The following PARVB variants were observed in gnomAD, a reference collection of about 807,000 sequenced individuals.
The protein encoded by PARVB is beta-parvin.
PARVB carries 46 observed loss-of-function variants against 47.0 expected under a neutral mutation model. That is an observed-to-expected ratio of 0.98 (90% CI 0.77 to 1.25). The LOEUF (loss-of-function observed/expected upper bound fraction) is 1.25. Ranked by LOEUF, PARVB falls within the 50% of genes most tolerant of loss-of-function variation. The pLI, the probability that PARVB is intolerant of heterozygous loss-of-function variation, is 0.00. For synonymous variants in PARVB, 196 were observed against 196.3 expected (o/e 1.00, Z 0.01); for missense variants, 473 against 471.6 (o/e 1.00, Z -0.03).
At chr22:44,058,032 C>T (rs2051348293) in intron 1 of PARVB, among the ~76,000 whole-genome samples, 1 of 152,178 alleles carries the variant, frequency 6.6e-6, no homozygotes, top group Non-Finnish European at 1.5e-5. Flanking sequence ...GTTGCCTCCC[C>T]TGTCCAGTGG....
chr22:44,136,598 A>C (rs554172425), intron 7 of PARVB, 80 bp downstream of exon 7: 1 of 1,184,254 alleles, frequency 8.4e-7, no homozygotes, highest in Admixed American at 1.7e-5. Context: ...TCAGCCAGGG[A>C]CACCAGCGCC....
rs1287854554 is a variant in PARVB, at chr22:44,169,878, G to A, written c.*1200G>A. 1.3e-5 allele frequency: 2 copies of A among 149,604 alleles called. No homozygotes were observed. The highest frequency in any genetic ancestry group is 2.9e-5 in the Non-Finnish European group (2 of 68,014). The allele number at this position is 149,604 out of a possible 1,614,324, so 9.3% of individuals were successfully genotyped here. On this transcript the variant is annotated 3_prime_UTR_variant, in exon 13 of 13. Coordinates refer to ENST00000338758, the MANE Select transcript of PARVB (RefSeq NM_013327.5). ...GTGCCACCACACCTGGCTAATTTTT[G>A]TATTTTTAGTAGAGACGGGGTTTCA...
chr22:44,025,089 C>T (rs1017647715), intron 1 of PARVB, among the ~76,000 whole-genome samples: 4 of 152,064 alleles, frequency 2.6e-5, no homozygotes, highest in Admixed American at 2.0e-4. Context: ...TTGCCCAGGG[C>T]CTCCTGGGAG....
chr22:44,145,935 G>T (rs886484430), intron 8 of PARVB: 2 of 151,542 alleles, frequency 1.3e-5, no homozygotes, highest in Non-Finnish European at 2.9e-5. Flanking sequence ...TTAGCAGACT[G>T]TCTTATTGAG....
At chr22:44,091,893 GT>G (rs1472522495) in intron 1 of PARVB, among the ~76,000 whole-genome samples, 2 of 152,130 alleles carry the variant, frequency 1.3e-5, no homozygotes, top group Non-Finnish European at 2.9e-5. Context: ...GGGGGAGTGG[GT>G]AACTGGCATC....
chr22:44,046,398 G>A (rs752159974), intron 1 of PARVB, among the ~76,000 whole-genome samples: 2 of 152,194 alleles, frequency 1.3e-5, no homozygotes, highest in Non-Finnish European at 2.9e-5. Context: ...AGGACCTGGC[G>A]CCTCACCCTC....
At chr22:44,026,848 A>AGGGGG (rs2050739161) in intron 1 of PARVB, among the ~76,000 whole-genome samples, 1 of 45,300 alleles carries the variant, frequency 2.2e-5, no homozygotes, top group African/African-American at 8.6e-5. Flanking sequence ...AAGCTGGGGG[A>AGGGGG]AGGGGCGGGC....
In PARVB at chr22:44,061,003, C is replaced by T. The variant is rs5764074; in HGVS notation, c.113-32925C>T. On this transcript the variant is annotated intron_variant, in intron 1 of 12. Transcript: ENST00000338758. The stretch of plus-strand genomic sequence containing the variant: ...TGTTGATTGATTAACATTGAGCTCA[C>T]GGCCAACAGCAGTATAAGTGCTGCC... Among the ~76,000 whole-genome samples the T allele has an allele frequency of 2.7e-3, 418 of 152,314 alleles. 2 individuals carry two copies. The highest frequency in any genetic ancestry group is 0.019 in the Admixed American group (293 of 15,296).
intron 1 of PARVB, among the ~76,000 whole-genome samples, chr22:44,036,535 A>G (rs2050925660): frequency 1.3e-5 from 2 of 152,126 alleles, no homozygotes; most frequent in South Asian, 4.1e-4. Context: ...ATTGTCACAA[A>G]TCTCCAAAAA....
intron 1 of PARVB, among the ~76,000 whole-genome samples, chr22:44,028,734 T>C (rs1603425036): frequency 6.6e-6 from 1 of 152,240 alleles, no homozygotes; most frequent in Non-Finnish European, 1.5e-5. Flanking sequence ...AAAGTGGCTG[T>C]GCCACATTTA....
At chr22:44,161,781 G>A (rs1294798092) in intron 11 of PARVB, among the ~76,000 whole-genome samples, 1 of 152,186 alleles carries the variant, frequency 6.6e-6, no homozygotes, top group Non-Finnish European at 1.5e-5. Flanking sequence ...GTCGCTCCCT[G>A]CTCTCTCCTT....
At chr22:44,078,328 C>A (rs564659594) in intron 1 of PARVB, among the ~76,000 whole-genome samples, 3 of 152,170 alleles carry the variant, frequency 2.0e-5, no homozygotes, top group Non-Finnish European at 4.4e-5. Context: ...TGGTTAGACC[C>A]GGACCTGCCT....
chr22:44,162,921 C>A, intron 11 of PARVB: 1 of 152,282 alleles, frequency 6.6e-6, no homozygotes. Flanking sequence ...CGGAGGTGGC[C>A]ACGTTTCTGT....
intron 12 of PARVB, among the ~76,000 whole-genome samples, chr22:44,167,016 T>TCC (rs2147193908): frequency 6.6e-6 from 1 of 152,124 alleles, no homozygotes; most frequent in African/African-American, 2.4e-5. Flanking sequence ...GCCCTGTTGG[T>TCC]CCCCACCCGG....
intron 1 of PARVB, among the ~76,000 whole-genome samples, chr22:44,062,204 C>T (rs1463392703): frequency 2.6e-5 from 4 of 152,172 alleles, no homozygotes; most frequent in Non-Finnish European, 5.9e-5. Context: ...GGGTGTCCTG[C>T]AGTTCAGTTC....
At chr22:44,098,216 C>T (rs1262419022) in intron 2 of PARVB, among the ~76,000 whole-genome samples, 1 of 152,188 alleles carries the variant, frequency 6.6e-6, no homozygotes, top group Non-Finnish European at 1.5e-5. Context: ...ACTCTCCGTC[C>T]TGCACCCCCT....
chr22:44,037,591 T>C (rs976340727), intron 1 of PARVB, among the ~76,000 whole-genome samples: 6 of 152,216 alleles, frequency 3.9e-5, no homozygotes, highest in African/African-American at 1.4e-4. Context: ...GTTATTCCCA[T>C]TTTGCAGATG....
At chr22:44,009,631 T>G (rs376844830) in intron 2 of PARVB, 2 of 150,794 alleles carry the variant, frequency 1.3e-5, no homozygotes, top group East Asian at 3.9e-4. Context: ...TGTAATATGT[T>G]TATTACATAT....
rs553773455 is a variant in PARVB, at chr22:44,065,577, G to A, written c.113-28351G>A. 3.9e-5 allele frequency among the ~76,000 whole-genome samples: 6 copies of A among 152,156 alleles called. No individual in the cohort carries two copies. The South Asian group carries it at 8.3e-4, about 21-fold the overall frequency. ...TGAGATTTTGGTGCACCCATCACCC[G>A]AGCAGTGTACACTGCACCCAATATG... On this transcript the variant is annotated intron_variant, in intron 1 of 12. Coordinates refer to ENST00000338758, the MANE Select transcript of PARVB (RefSeq NM_013327.5).
Sources: gnomAD v4.1 joint callset for allele counts (sites outside exome capture counted in the v4.1 genomes callset) on GRCh38, gnomAD v4.1.1 for gene constraint, MANE v1.5 for transcripts, NCBI Gene and HGNC (gene_info 2026-07-23, HGNC 2026-07-21) for gene names.